ZNF438: variants seen among roughly 807,000 people sequenced by gnomAD.
ZNF438 encodes zinc finger protein 438.
Under a neutral mutation model 38.0 loss-of-function variants are expected in ZNF438, and 25 were observed. That is an observed-to-expected ratio of 0.66 (90% confidence interval 0.48 to 0.92). The LOEUF (loss-of-function observed/expected upper bound fraction) is 0.92. Among genes scored for constraint, ZNF438 ranks in the 40% least tolerant of loss-of-function variants. The pLI is 0.00. For synonymous variants in ZNF438, 372 were observed against 364.1 expected (o/e 1.02, Z -0.25); for missense variants, 1,007 against 999.6 (o/e 1.01, Z -0.10).
chr10:30,932,751 G>C (rs2045833364), intron 2 of ZNF438, among the ~76,000 whole-genome samples: 1 of 152,196 alleles, frequency 6.6e-6, no homozygotes. Flanking sequence ...TTTGGAAATA[G>C]GGTCTCTGCA....
chr10:30,935,398 A>C (rs1216007983), intron 2 of ZNF438, among the ~76,000 whole-genome samples: 1 of 152,160 alleles, frequency 6.6e-6, no homozygotes, highest in Admixed American at 6.5e-5. Context: ...TAATGGCTGG[A>C]GGCAAAAGGG....
At chr10:30,863,821 GC>G (rs575506338) in intron 4 of ZNF438, among the ~76,000 whole-genome samples, 97 of 152,264 alleles carry the variant, frequency 6.4e-4, no homozygotes, top group Middle Eastern at 3.4e-3. Flanking sequence ...ACAGAACCTT[GC>G]CTAGCTGGCC....
At chr10:30,845,689 G>A in intron 5 of ZNF438, 116 bp from the exon 7 acceptor site, 1 of 1,290,554 alleles carries the variant, frequency 7.7e-7, no homozygotes, top group Non-Finnish European at 1.0e-6. Context: ...GAAAGACAAG[G>A]GCTGGGGTAA....
At chr10:31,021,895 G>A (rs1372516144) in intron 1 of ZNF438, among the ~76,000 whole-genome samples, 1 of 151,968 alleles carries the variant, frequency 6.6e-6, no homozygotes. Flanking sequence ...GAAGTTGATC[G>A]TCTTACAGCT....
At chr10:30,964,690 T>C (rs1161278668) in intron 1 of ZNF438, among the ~76,000 whole-genome samples, 1 of 152,138 alleles carries the variant, frequency 6.6e-6, no homozygotes. Context: ...GTCAGCCAAG[T>C]ATAGATCACC....
chr10:30,861,138 G>T (rs1446080035), intron 4 of ZNF438, among the ~76,000 whole-genome samples: 1 of 152,062 alleles, frequency 6.6e-6, no homozygotes, highest in East Asian at 1.9e-4. Context: ...CTTTAGACAC[G>T]CAAATCCATA....
At chr10:30,873,807 T>C (rs2037878925) in intron 4 of ZNF438, among the ~76,000 whole-genome samples, 1 of 152,186 alleles carries the variant, frequency 6.6e-6, no homozygotes, top group Non-Finnish European at 1.5e-5. Flanking sequence ...ATATGAACTT[T>C]GTTTGGGGAC....
At chr10:30,999,258 T>C (rs1027318312) in intron 1 of ZNF438, 1 of 152,212 alleles carries the variant, frequency 6.6e-6, no homozygotes, top group Non-Finnish European at 1.5e-5. Context: ...TATACCAAAG[T>C]AGAATAACAG....
At chr10:30,988,651 T>C (rs2053127029) in intron 1 of ZNF438, among the ~76,000 whole-genome samples, 1 of 152,184 alleles carries the variant, frequency 6.6e-6, no homozygotes, top group Admixed American at 6.5e-5. Context: ...TTAATGAATA[T>C]AGCTATATGT....
At chr10:31,006,388 G>T (rs1564838594) in intron 1 of ZNF438, among the ~76,000 whole-genome samples, 1 of 151,668 alleles carries the variant, frequency 6.6e-6, no homozygotes, top group Non-Finnish European at 1.5e-5. Context: ...GGCAGGGTTT[G>T]GAGAGCTTTC....
intron 1 of ZNF438, among the ~76,000 whole-genome samples, chr10:31,004,632 T>A (rs147358301): frequency 2.1e-3 from 327 of 152,302 alleles, no homozygotes; most frequent in African/African-American, 7.6e-3. Flanking sequence ...GCTGAGCGTA[T>A]CATTAAAGTG....
In ZNF438 at chr10:30,905,576, A is replaced by G. The variant is rs547482722; in HGVS notation, c.-32+3357T>C. 2.0e-5 allele frequency among the ~76,000 whole-genome samples: 3 copies of G among 152,302 alleles called. 1 individual carries two copies. The South Asian group carries it at 6.2e-4, about 32-fold the overall frequency. On this transcript the variant is annotated intron_variant, in intron 3 of 5. Coordinates refer to ENST00000413025, the Ensembl canonical transcript of ZNF438. ...GCTGTCTTTTCACTTTCTTGATGGT[A>G]TCCTTTGAAGTACAAAAGTTTTTAA...
intron 2 of ZNF438, among the ~76,000 whole-genome samples, chr10:30,909,733 G>T (rs1330127722): frequency 6.6e-6 from 1 of 152,138 alleles, no homozygotes; most frequent in Non-Finnish European, 1.5e-5. Flanking sequence ...CTAACTATAT[G>T]ATCTAATTAA....
intron 1 of ZNF438, among the ~76,000 whole-genome samples, chr10:30,969,013 T>C (rs1171027394): frequency 6.6e-6 from 1 of 151,872 alleles, no homozygotes; most frequent in Non-Finnish European, 1.5e-5. Flanking sequence ...GTAACAAAAA[T>C]ACAATGGAGA....
At chr10:31,017,134 A>C (rs1484297511) in intron 1 of ZNF438, among the ~76,000 whole-genome samples, 2 of 152,232 alleles carry the variant, frequency 1.3e-5, no homozygotes, top group African/African-American at 4.8e-5. Context: ...TCTGAAAATA[A>C]AAGAATAGCA....
chr10:30,994,064 T>C lies in ZNF438; in HGVS notation c.-192+37769A>G, dbSNP rs144540747. Among the ~76,000 whole-genome samples the C allele has an allele frequency of 3.2e-3, 493 of 152,382 alleles. 5 individuals are homozygous for C. The highest frequency in any genetic ancestry group is 0.011 in the African/African-American group (446 of 41,592). On this transcript the variant is annotated intron_variant, in intron 1 of 5. Transcript: ENST00000413025. ...CACTATATTTTGGAAGTAGGTAACT[T>C]ATTTGATTTAACAGGCTCACAGCTG...
At chr10:30,965,501 T>C (rs2050009394) in intron 1 of ZNF438, among the ~76,000 whole-genome samples, 1 of 152,048 alleles carries the variant, frequency 6.6e-6, no homozygotes, top group Non-Finnish European at 1.5e-5. Context: ...CTATGTACAA[T>C]AGCAAAGACA....
chr10:30,929,128 T>C (rs2045315323), intron 2 of ZNF438, among the ~76,000 whole-genome samples: 1 of 152,190 alleles, frequency 6.6e-6, no homozygotes, highest in Admixed American at 6.5e-5. Flanking sequence ...CACAGTGGCT[T>C]ATGCCTGCAA....
chr10:31,030,864 C>A (rs1446235936), intron 1 of ZNF438, among the ~76,000 whole-genome samples: 1 of 152,168 alleles, frequency 6.6e-6, no homozygotes, highest in Non-Finnish European at 1.5e-5. Flanking sequence ...TTCAAGCAGT[C>A]AGATACGATG....
Sources: gnomAD v4.1 joint callset for allele counts (sites outside exome capture counted in the v4.1 genomes callset) on GRCh38, gnomAD v4.1.1 for gene constraint, MANE v1.5 for transcripts, NCBI Gene and HGNC (gene_info 2026-07-23, HGNC 2026-07-21) for gene names.